Variants in ADAM12 observed in about 807,000 individuals in gnomAD.
ADAM12 encodes disintegrin and metalloproteinase domain-containing protein 12.
Under a neutral mutation model 106.4 loss-of-function variants are expected in ADAM12, and 70 were observed. The observed-to-expected ratio is 0.66, with a 90% CI of 0.54 to 0.80. The LOEUF is 0.80. ADAM12 is among the 30% of genes least tolerant of loss of function. The probability of loss-of-function intolerance (pLI) is 0.00; values close to 1 mark genes in which losing one functional copy is unlikely to be tolerated. For missense variants in ADAM12, 1,010 were observed against 1,171.9 expected (o/e 0.86, Z 2.02); for synonymous variants, 420 against 433.5 (o/e 0.97, Z 0.39).
chr10:126,099,506 TATAAATA>T (rs143392177), intron 9 of ADAM12, among the ~76,000 whole-genome samples: 2,995 of 152,244 alleles, frequency 0.02, 96 homozygotes, highest in East Asian at 0.065. Flanking sequence ...TATACATGTA[TATAAATA>T]ATAAAGTTAC....
chr10:126,312,302 G>T (rs566703248), intron 2 of ADAM12, among the ~76,000 whole-genome samples: 1 of 152,102 alleles, frequency 6.6e-6, no homozygotes, highest in Non-Finnish European at 1.5e-5. Flanking sequence ...GAGGGAACCC[G>T]ACAGCGGGGC....
At chr10:126,248,571 C>T (rs1958675085) in intron 3 of ADAM12, among the ~76,000 whole-genome samples, 3 of 152,214 alleles carry the variant, frequency 2.0e-5, no homozygotes, top group Non-Finnish European at 2.9e-5. Context: ...GGTTCATCAA[C>T]AAGCAAACAC....
intron 12 of ADAM12, among the ~76,000 whole-genome samples, chr10:126,067,830 C>G (rs946549690): frequency 2.6e-5 from 4 of 152,294 alleles, no homozygotes; most frequent in African/African-American, 9.6e-5. Context: ...TAATCACATA[C>G]TAGTTTAATA....
chr10:126,328,660 C>A (rs1371837793), intron 2 of ADAM12, among the ~76,000 whole-genome samples: 1 of 152,252 alleles, frequency 6.6e-6, no homozygotes, highest in Non-Finnish European at 1.5e-5. Flanking sequence ...GATGAGCCCA[C>A]TGGCATTACA....
At chr10:126,209,932 G>T (rs7097444) in intron 3 of ADAM12, among the ~76,000 whole-genome samples, 143,720 of 152,296 alleles carry the variant, frequency 0.94, 68,287 homozygotes, top group East Asian at 1. Context: ...CTGGGAACAG[G>T]CGACTGCTGA....
At chr10:126,177,902 C>T (rs1013127011) in intron 3 of ADAM12, among the ~76,000 whole-genome samples, 3 of 152,200 alleles carry the variant, frequency 2.0e-5, no homozygotes, top group South Asian at 4.1e-4. Context: ...GAGCGAGCAA[C>T]GTGTCACTCA....
intron 2 of ADAM12, among the ~76,000 whole-genome samples, chr10:126,302,102 A>G (rs537449917): frequency 7.2e-5 from 11 of 152,284 alleles, no homozygotes; most frequent in African/African-American, 2.4e-4. Context: ...TCTCAGGGTC[A>G]TCCAATTCTG....
chr10:126,094,825 C>T (rs986579041), intron 10 of ADAM12, among the ~76,000 whole-genome samples: 1 of 152,120 alleles, frequency 6.6e-6, no homozygotes, highest in Admixed American at 6.6e-5. Flanking sequence ...CTGACTCTTG[C>T]GGCTGGGGGT....
intron 14 of ADAM12, among the ~76,000 whole-genome samples, chr10:126,052,898 C>G (rs1008891736): frequency 3.3e-5 from 5 of 152,182 alleles, no homozygotes; most frequent in African/African-American, 1.2e-4. Context: ...ACACACTGAG[C>G]CTTCTGGGTC....
intron 1 of ADAM12, among the ~76,000 whole-genome samples, chr10:126,346,541 C>G (rs1230028762): frequency 2.0e-5 from 3 of 152,170 alleles, no homozygotes; most frequent in African/African-American, 4.8e-5. Flanking sequence ...GTTAGGTCCA[C>G]TTGGTGCAGA....
At chr10:126,309,353 T>C (rs1960983821) in intron 2 of ADAM12, among the ~76,000 whole-genome samples, 1 of 152,200 alleles carries the variant, frequency 6.6e-6, no homozygotes, top group Non-Finnish European at 1.5e-5. Flanking sequence ...AAAGAATAAA[T>C]TCCAGTCTTG....
At position 126,017,208 on chromosome 10, in the gene ADAM12, AAAAAACTCCAACTGGAGCTG is replaced by A; in HGVS notation, c.*51_*70del. 1 of 1,403,416 alleles carries A rather than the reference AAAAAACTCCAACTGGAGCTG, an allele frequency of 7.1e-7. No individual in the cohort carries two copies. Among genetic ancestry groups the A allele is most frequent in the South Asian group, 1.3e-5 (1 of 75,790 alleles). The allele number at this position is 1,403,416 out of a possible 1,614,324, so 86.9% of individuals were successfully genotyped here. On this transcript the variant is annotated 3_prime_UTR_variant, in exon 23 of 23. Coordinates refer to ENST00000448723, the MANE Select transcript of ADAM12 (RefSeq NM_001288973.2). Reference sequence around the variant, plus strand: ...TAAAAAAAATCCTAAAAGTTGGTACAAAAAACTCCAACTGGAGCTGAAAGATAGTGCAAACTTCTGTCTTC... The same window carrying A: ...TAAAAAAAATCCTAAAAGTTGGTACAAAAGATAGTGCAAACTTCTGTCTTC...
At chr10:126,055,834 T>C (rs557021094) in intron 14 of ADAM12, among the ~76,000 whole-genome samples, 20 of 152,358 alleles carry the variant, frequency 1.3e-4, no homozygotes, top group African/African-American at 4.6e-4. Context: ...CTCATGCTCA[T>C]GTCTCAGGTG....
intron 3 of ADAM12, among the ~76,000 whole-genome samples, chr10:126,155,749 A>G (rs1956803733): frequency 6.6e-6 from 1 of 152,230 alleles, no homozygotes; most frequent in Non-Finnish European, 1.5e-5. Flanking sequence ...TGGGAAAATC[A>G]TTCTGATCCA....
chr10:126,168,566 G>T (rs376511741), intron 3 of ADAM12, among the ~76,000 whole-genome samples: 1 of 151,940 alleles, frequency 6.6e-6, no homozygotes, highest in Non-Finnish European at 1.5e-5. Flanking sequence ...CCATTTCTCC[G>T]GTCCCAGCCA....
rs372690603 is a variant in ADAM12, at chr10:126,043,028, G to A, written c.2104+12C>T. On this transcript the variant is annotated intron_variant, in intron 18 of 22. Coordinates refer to ENST00000448723, the MANE Select transcript of ADAM12 (RefSeq NM_001288973.2). This position sits in a 1 kb window ranked among gnomAD's most constrained non-coding sequence, Gnocchi z 4.1. The stretch of plus-strand genomic sequence containing the variant: ...CAGCCTCCTCCCACCGGGATGCAGG[G>A]GCTTCACTGACCTGCTTGCCGGATG... The A allele has an allele frequency of 9.7e-5, 157 of 1,613,384 alleles. 1 individual carries two copies. In the African/African-American group the frequency reaches 1.9e-3, roughly 20 times the overall value.
intron 20 of ADAM12, among the ~76,000 whole-genome samples, chr10:126,036,770 T>C (rs1590316016): frequency 2.6e-5 from 4 of 152,086 alleles, no homozygotes; most frequent in Admixed American, 2.6e-4. Context: ...AGGGCTGAGG[T>C]TGGGGCTTGG....
chr10:126,301,967 C>T (rs571386089), intron 2 of ADAM12, among the ~76,000 whole-genome samples: 5 of 152,202 alleles, frequency 3.3e-5, no homozygotes, highest in African/African-American at 9.6e-5. Flanking sequence ...GTATCATGAC[C>T]GTGGGACAGC....
In ADAM12 at chr10:126,064,798, C is replaced by A. The variant is rs370919739; in HGVS notation, c.1609+8G>T. The A allele has an allele frequency of 9.0e-4, 1,443 of 1,595,294 alleles. 1 individual carries two copies. The highest frequency in any genetic ancestry group is 1.2e-3 in the Non-Finnish European group (1,382 of 1,171,518). ...TCTCCTGATGCCGAGCTTGTGGCGG[C>A]CACGTACCTGGTCCCCAGAGCGTGA... On this transcript the variant is annotated splice_region_variant and intron_variant, in intron 14 of 22. Transcript: ENST00000448723. The surrounding 1 kb of genome is among the most constrained non-coding windows in gnomAD (Gnocchi z 4.4).
Sources: gnomAD v4.1 joint callset for allele counts (sites outside exome capture counted in the v4.1 genomes callset) on GRCh38, gnomAD v4.1.1 for gene constraint, Gnocchi (gnomAD v3.1) non-coding constraint, MANE v1.5 for transcripts, NCBI Gene and HGNC (gene_info 2026-07-23, HGNC 2026-07-21) for gene names.